The following OR51L1 variants were observed in gnomAD, a reference collection of about 807,000 sequenced individuals.
OR51L1 encodes the protein olfactory receptor 51L1.
OR51L1 carries 1 observed loss-of-function variant against 1.4 expected under a neutral mutation model. The observed-to-expected ratio is 0.72, with a 90% CI of 0.26 to 3.42. The LOEUF (loss-of-function observed/expected upper bound fraction) is 3.42, where lower values mean the gene tolerates loss of function less well. Among genes scored for constraint, OR51L1 ranks in the 30% most tolerant of loss-of-function variants. The pLI, the probability that OR51L1 is intolerant of heterozygous loss-of-function variation, is 0.20. For synonymous variants in OR51L1, 156 were observed against 144.2 expected (o/e 1.08, Z -0.59); for missense variants, 378 against 380.0 (o/e 0.99, Z 0.04).
chr11:4,996,829 GTGTTC>G, intron 1 of OR51L1, among the ~76,000 whole-genome samples: 1 of 146,760 alleles, frequency 6.8e-6, no homozygotes. Flanking sequence ...GTGTGTGTGT[GTGTTC>G]TTTTTATTTC....
At chr11:4,998,076 ATTG>A (rs1847088084) in intron 2 of OR51L1, among the ~76,000 whole-genome samples, 2 of 151,760 alleles carry the variant, frequency 1.3e-5, no homozygotes, top group South Asian at 4.1e-4. Flanking sequence ...TGTTAAATGC[ATTG>A]TTCTCATTTT....
At position 5,000,772 on chromosome 11, in the gene OR51L1, A is replaced by G. The variant is rs1223838407; in HGVS notation, c.*842A>G. ...TTGGTATGCAGGCCATGCAGAAGGC[A>G]CATAGACTTGTGGGGTCTATAAGGC... On this transcript the variant is annotated 3_prime_UTR_variant, in exon 3 of 3. Transcript: ENST00000641819. 1 of 152,294 alleles carries G rather than the reference A, an allele frequency of 6.6e-6. No homozygotes were observed. Among genetic ancestry groups the G allele is most frequent in the East Asian group, 1.9e-4 (1 of 5,192 alleles). 9.4% of individuals were successfully genotyped at this position (152,294 alleles called of 1,614,324 possible).
rs561418421 is a variant in OR51L1 at position 4,995,830 on chromosome 11, G to C, written c.-262+495G>C. On this transcript the variant is annotated intron_variant, in intron 1 of 2. Coordinates refer to ENST00000641819, the MANE Select transcript of OR51L1 (RefSeq NM_001004755.2). ...GTCAAAAGAAAATGAATAGAGAAAA[G>C]ACAATAAATGGATTTTAAAAAGTGA... Among the ~76,000 whole-genome samples the C allele has an allele frequency of 5.3e-5, 8 of 152,216 alleles. No homozygotes were observed. In the South Asian group the frequency reaches 6.2e-4, roughly 12 times the overall value.
chr11:4,996,769 C>CTTTCT (rs1554896491), intron 1 of OR51L1, among the ~76,000 whole-genome samples: 1 of 84,696 alleles, frequency 1.2e-5, no homozygotes, highest in Non-Finnish European at 2.5e-5. Context: ...TTCTTTCTTT[C>CTTTCT]ATTTCTCTCT....
intron 1 of OR51L1, among the ~76,000 whole-genome samples, chr11:4,996,784 G>C (rs956777192): frequency 8.5e-5 from 5 of 58,830 alleles, no homozygotes; most frequent in Admixed American, 8.3e-4. Flanking sequence ...CTCTCTCTCT[G>C]TTTCTTTCTT....
At chr11:4,996,794 TTCTC>T (rs985436400) in intron 1 of OR51L1, among the ~76,000 whole-genome samples, 3 of 145,494 alleles carry the variant, frequency 2.1e-5, no homozygotes, top group Admixed American at 7.1e-5. Flanking sequence ...GTTTCTTTCT[TTCTC>T]TCCTCCCTCT....
rs1847138771 is a variant in OR51L1, at chr11:5,002,335, T to C, written c.*2405T>C. The C allele has an allele frequency of 6.6e-6, 1 of 152,010 alleles. No individual in the cohort carries two copies. The highest frequency in any genetic ancestry group is 2.4e-5 in the African/African-American group (1 of 41,372). 9.4% of individuals were successfully genotyped at this position (152,010 alleles called of 1,614,324 possible). A position where few individuals can be genotyped will look rare whatever the true frequency, so the allele number is the denominator to read the frequency against. On this transcript the variant is annotated 3_prime_UTR_variant, in exon 3 of 3. Transcript: ENST00000641819. Reference sequence around the variant, plus strand: ...GGAAAGGTATTCTAGAAAGAGGAGGTAACATGAAGAAAGCAAAGAGGTTAG... The same window carrying C: ...GGAAAGGTATTCTAGAAAGAGGAGGCAACATGAAGAAAGCAAAGAGGTTAG...
intron 1 of OR51L1, among the ~76,000 whole-genome samples, chr11:4,995,865 C>T (rs571622893): frequency 6.6e-6 from 1 of 152,038 alleles, no homozygotes; most frequent in South Asian, 2.1e-4. Context: ...AAAGACATGA[C>T]AGATATGGCA....
In OR51L1 at chr11:4,999,483, C is replaced by G. The variant is rs773323779; in HGVS notation, c.501C>G (p.His167Gln). 4 of 1,614,136 alleles carry G rather than the reference C, an allele frequency of 2.5e-6. No homozygotes were observed. In the South Asian group the frequency reaches 4.4e-5, roughly 18 times the overall value. ...VVLPTPLLLRHYHYCHGNALS... is the reference protein window; with the variant it reads ...VVLPTPLLLRQYHYCHGNALS... ...TTCCCACACCTTTGCTACTGAGACA[C>G]TATCACTACTGCCATGGCAATGCCC... The change falls in exon 3 of 3, where the codon CAC becomes CAG. Residue 167 changes from histidine (H) to glutamine (Q), a missense_variant. Coordinates refer to ENST00000641819, the MANE Select transcript of OR51L1 (RefSeq NM_001004755.2).
rs1299372191 is a variant in OR51L1 at position 5,001,736 on chromosome 11, G to T, written c.*1806G>T. The T allele has an allele frequency of 6.6e-6, 1 of 151,880 alleles. No homozygotes were observed. The highest frequency in any genetic ancestry group is 1.5e-5 in the Non-Finnish European group (1 of 67,984). The allele number at this position is 151,880 out of a possible 1,614,324, so 9.4% of individuals were successfully genotyped here. On this transcript the variant is annotated 3_prime_UTR_variant, in exon 3 of 3. Transcript: ENST00000641819. ...TTTTCAGCTGTATAGCACACTTTTT[G>T]AATATGGGGCCATGTCTATTACCTT...
chr11:5,000,942 T>C lies in OR51L1; in HGVS notation c.*1012T>C, dbSNP rs1847124950. On this transcript the variant is annotated 3_prime_UTR_variant, in exon 3 of 3. Coordinates refer to ENST00000641819, the MANE Select transcript of OR51L1 (RefSeq NM_001004755.2). ...TTTCTTTTTCTTTTGAGACTGAGTC[T>C]TGCTCTGTCACCCAGGTGGAAGTGC... is the stretch of plus-strand genomic sequence containing the variant. 6.6e-6 allele frequency: 1 copy of C among 152,416 alleles called. No individual in the cohort carries two copies. Among genetic ancestry groups the C allele is most frequent in the South Asian group, 2.1e-4 (1 of 4,818 alleles). 9.4% of individuals were successfully genotyped at this position (152,416 alleles called of 1,614,324 possible).
In OR51L1 at chr11:4,998,970, A is replaced by G; in HGVS notation, c.-13A>G. On this transcript the variant is annotated 5_prime_UTR_variant, in exon 3 of 3. Transcript: ENST00000641819. ...ACCATTCCTCACTACTTGCTGAATT[A>G]CTCAAAGTCACTATGGGAGACTGGA... The G allele has an allele frequency of 6.2e-7, 1 of 1,605,916 alleles. No homozygotes were observed. The highest frequency in any genetic ancestry group is 8.5e-7 in the Non-Finnish European group (1 of 1,174,826).
chr11:4,996,909 G>A (rs1271062419), intron 1 of OR51L1, among the ~76,000 whole-genome samples: 1 of 151,836 alleles, frequency 6.6e-6, no homozygotes, highest in African/African-American at 2.4e-5. Context: ...AAATTTTTCT[G>A]AGTGAGGAGA....
At position 5,001,554 on chromosome 11, in the gene OR51L1, C is replaced by T. The variant is rs1847131535; in HGVS notation, c.*1624C>T. The stretch of plus-strand genomic sequence containing the variant: ...TCTCAACCCTCATCTTTTAATAATA[C>T]TTTTACCTCTTGTTCTACATGCCTG... On this transcript the variant is annotated 3_prime_UTR_variant, in exon 3 of 3. Transcript: ENST00000641819. The T allele has an allele frequency of 6.6e-6, 1 of 152,074 alleles. No individual in the cohort carries two copies. The highest frequency in any genetic ancestry group is 1.5e-5 in the Non-Finnish European group (1 of 68,012). 9.4% of individuals were successfully genotyped at this position (152,074 alleles called of 1,614,324 possible). A position where few individuals can be genotyped will look rare whatever the true frequency, so the allele number is the denominator to read the frequency against.
rs1413647696 is a variant in OR51L1 at position 5,002,457 on chromosome 11, A to G, written c.*2527A>G. The G allele has an allele frequency of 3.9e-5, 6 of 152,226 alleles. No homozygotes were observed. Among genetic ancestry groups the G allele is most frequent in the Admixed American group, 1.3e-4 (2 of 15,284 alleles). The allele number at this position is 152,226 out of a possible 1,614,324, so 9.4% of individuals were successfully genotyped here. On this transcript the variant is annotated 3_prime_UTR_variant, in exon 3 of 3. Transcript: ENST00000641819. The stretch of plus-strand genomic sequence containing the variant: ...CAAAAAAAGGGCTCTGACATGGGCT[A>G]TGATGGACAAAGATATGTAGTTTCA...
Position 4,998,984 on chromosome 11 carries a change from T to TGG in OR51L1, c.4_5dup (p.Asp3_?2). ...CTTGCTGAATTACTCAAAGTCACTA[T>TGG]GGGAGACTGGAATAACAGTGATGCT... is the stretch of plus-strand genomic sequence containing the variant. On this transcript the variant is annotated frameshift_variant and start_lost, in exon 3 of 3. Coordinates refer to ENST00000641819, the MANE Select transcript of OR51L1 (RefSeq NM_001004755.2). LOFTEE classifies it low-confidence loss of function (END_TRUNC). 6.2e-7 allele frequency: 1 copy of TGG among 1,612,528 alleles called. No homozygotes were observed. The highest frequency in any genetic ancestry group is 8.5e-7 in the Non-Finnish European group (1 of 1,179,042).
chr11:5,005,322 A>C lies in OR51L1; in HGVS notation c.*5392A>C, dbSNP rs1483925134. On this transcript the variant is annotated 3_prime_UTR_variant, in exon 3 of 3. Coordinates refer to ENST00000641819, the MANE Select transcript of OR51L1 (RefSeq NM_001004755.2). ...ACTCCCTTTCTCGCTTCAGACATTCACCTTATCTTACGTAAAATGTAGATT... is the reference window on the plus strand; with the variant it reads ...ACTCCCTTTCTCGCTTCAGACATTCCCCTTATCTTACGTAAAATGTAGATT... 1 of 152,114 alleles carries C rather than the reference A, an allele frequency of 6.6e-6. No individual in the cohort carries two copies. Among genetic ancestry groups the C allele is most frequent in the South Asian group, 2.1e-4 (1 of 4,818 alleles). The allele number at this position is 152,114 out of a possible 1,614,324, so 9.4% of individuals were successfully genotyped here. A position where few individuals can be genotyped will look rare whatever the true frequency, so the allele number is the denominator to read the frequency against.
Position 4,998,968 on chromosome 11 carries a change from T to C in OR51L1, c.-15T>C. ...GAACCATTCCTCACTACTTGCTGAA[T>C]TACTCAAAGTCACTATGGGAGACTG... On this transcript the variant is annotated 5_prime_UTR_variant, in exon 3 of 3. Coordinates refer to ENST00000641819, the MANE Select transcript of OR51L1 (RefSeq NM_001004755.2). 3 of 1,603,960 alleles carry C rather than the reference T, an allele frequency of 1.9e-6. No homozygotes were observed. In the South Asian group the frequency reaches 3.3e-5, roughly 18 times the overall value.
chr11:4,996,957 G>A (rs1396299405), intron 1 of OR51L1, among the ~76,000 whole-genome samples: 3 of 151,988 alleles, frequency 2.0e-5, no homozygotes, highest in African/African-American at 7.2e-5. Flanking sequence ...TGGAAGACTG[G>A]AGAGAAAAAT....
Sources: allele counts gnomAD v4.1 joint callset (sites outside exome capture counted in the v4.1 genomes callset), GRCh38; gene constraint gnomAD v4.1.1; transcripts MANE v1.5; gene names NCBI Gene and HGNC (gene_info 2026-07-23, HGNC 2026-07-21).